The following MYO1E variants were observed in gnomAD, a reference collection of about 807,000 sequenced individuals.
MYO1E encodes unconventional myosin-Ie.
MYO1E carries 68 observed loss-of-function variants against 151.1 expected under a neutral mutation model. The ratio of observed to expected loss-of-function variants is 0.45; its 90% confidence interval spans 0.37 to 0.55. The LOEUF (loss-of-function observed/expected upper bound fraction) is 0.55. Ranked by LOEUF, MYO1E falls within the 20% of genes least tolerant of loss-of-function variation. The probability of loss-of-function intolerance (pLI) is 0.00; values close to 1 mark genes in which losing one functional copy is unlikely to be tolerated. For missense variants in MYO1E, 1,363 were observed against 1,389.3 expected, an observed-to-expected ratio of 0.98 and a Z score of 0.30; for synonymous variants, 601 against 501.7, an observed-to-expected ratio of 1.20 and a Z score of -2.64.
rs148961564 is a variant in MYO1E at position 59,288,397 on chromosome 15, G to C, written c.4-15948C>G. On this transcript the variant is annotated intron_variant, in intron 1 of 27. Transcript: ENST00000288235. ...TCACTATGTTGCCCAGGATGGTCTCGAACTCCTGGGTTCAAGCGATCTTCC... is the reference window on the plus strand; with the variant it reads ...TCACTATGTTGCCCAGGATGGTCTCCAACTCCTGGGTTCAAGCGATCTTCC... Among the ~76,000 whole-genome samples the C allele has an allele frequency of 3.3e-5, 5 of 152,176 alleles. No homozygotes were observed. In the East Asian group the frequency reaches 9.7e-4, roughly 29 times the overall value.
rs77484253 is a variant in MYO1E at position 59,239,347 on chromosome 15, A to G, written c.333-2675T>C. Among the ~76,000 whole-genome samples the G allele has an allele frequency of 1.9e-3, 287 of 151,694 alleles. 2 individuals are homozygous for G. Among genetic ancestry groups the G allele is most frequent in the African/African-American group, 6.5e-3 (271 of 41,482 alleles). On this transcript the variant is annotated intron_variant, in intron 4 of 27. Transcript: ENST00000288235. ...CAATTTCATTACATTATTATTATTC[A>G]ACTTCCTACATATCACCATAAGTAT...
intron 18 of MYO1E, among the ~76,000 whole-genome samples, chr15:59,183,338 G>T (rs568284600): frequency 6.4e-4 from 75 of 118,046 alleles, no homozygotes; most frequent in Middle Eastern, 4.1e-3. Flanking sequence ...ATTAAAAAAG[G>T]TTTGATCAGG....
rs913680906 is a variant in MYO1E, at chr15:59,247,291, C to T, written c.332+8993G>A. 1.3e-5 allele frequency among the ~76,000 whole-genome samples: 2 copies of T among 152,176 alleles called. 1 individual carries two copies. The highest frequency in any genetic ancestry group is 1.3e-4 in the Admixed American group (2 of 15,270). On this transcript the variant is annotated intron_variant, in intron 4 of 27. Transcript: ENST00000288235. ...TCCAGGGGTAACTAACCTGGCGAAC[C>T]TGTCCTGACCTCTGTCCTATGGTAT... is the stretch of plus-strand genomic sequence containing the variant.
At chr15:59,227,421 G>A (rs1882544096) in intron 7 of MYO1E, 38 bp downstream of exon 7, 6 of 1,612,146 alleles carry the variant, frequency 3.7e-6, no homozygotes, top group Non-Finnish European at 5.1e-6. Context: ...TGTAGAGAAG[G>A]GACAGGAAGT....
intron 10 of MYO1E, among the ~76,000 whole-genome samples, chr15:59,215,296 T>C (rs2079906424): frequency 6.6e-6 from 1 of 152,238 alleles, no homozygotes; most frequent in Non-Finnish European, 1.5e-5. Context: ...CAGGGTTTGC[T>C]AAGTGCTCTC....
At chr15:59,178,284 T>C (rs113193137) in intron 19 of MYO1E, 109 bp downstream of exon 19, 23 of 1,393,324 alleles carry the variant, frequency 1.7e-5, no homozygotes, top group African/African-American at 4.3e-5. Flanking sequence ...GGAGACAACA[T>C]TGATGGCATG....
intron 2 of MYO1E, 48 bp downstream of exon 2, chr15:59,272,258 A>T (rs748139690): frequency 6.2e-7 from 1 of 1,604,344 alleles, no homozygotes; most frequent in Non-Finnish European, 8.5e-7. Flanking sequence ...TTAACTGTGG[A>T]CACTGTAATA....
intron 4 of MYO1E, 121 bp from the exon 5 acceptor site, chr15:59,236,793 G>A (rs1596379187): frequency 1.0e-6 from 1 of 970,366 alleles, no homozygotes; most frequent in Non-Finnish European, 1.6e-6. Context: ...AGGCAGAAAA[G>A]AATTTTTTTT....
At chr15:59,254,227 C>T (rs1258623270) in intron 4 of MYO1E, among the ~76,000 whole-genome samples, 1 of 152,072 alleles carries the variant, frequency 6.6e-6, no homozygotes, top group Non-Finnish European at 1.5e-5. Context: ...CCATCTCTGT[C>T]GCCTGGCTAG....
intron 16 of MYO1E, among the ~76,000 whole-genome samples, chr15:59,201,277 G>C (rs2079799941): frequency 6.6e-6 from 1 of 151,810 alleles, no homozygotes; most frequent in Non-Finnish European, 1.5e-5. Context: ...ATTTTTAGTA[G>C]AGATGGGGTT....
chr15:59,292,012 A>G (rs2080422671), intron 1 of MYO1E, among the ~76,000 whole-genome samples: 1 of 152,220 alleles, frequency 6.6e-6, no homozygotes, highest in Admixed American at 6.5e-5. Context: ...TATAGTTCAC[A>G]TGCTAAATAG....
chr15:59,256,144 C>A, intron 4 of MYO1E, 140 bp downstream of exon 4: 1 of 663,772 alleles, frequency 1.5e-6, no homozygotes, highest in South Asian at 1.7e-5. Context: ...GATAAAGCAG[C>A]TAACCTGCTT....
intron 1 of MYO1E, among the ~76,000 whole-genome samples, chr15:59,298,077 C>T (rs1413823469): frequency 1.3e-5 from 2 of 152,190 alleles, no homozygotes; most frequent in African/African-American, 2.4e-5. Flanking sequence ...TCACTTTCAT[C>T]ATTTGGTTAA....
intron 17 of MYO1E, among the ~76,000 whole-genome samples, chr15:59,192,320 A>G (rs1482550604): frequency 6.6e-6 from 1 of 151,668 alleles, no homozygotes; most frequent in Non-Finnish European, 1.5e-5. Flanking sequence ...AAAAGAAAAG[A>G]GAAAATACCA....
chr15:59,360,989 G>A (rs886663832), intron 1 of MYO1E, among the ~76,000 whole-genome samples: 7 of 152,184 alleles, frequency 4.6e-5, no homozygotes, highest in Admixed American at 2.0e-4. Flanking sequence ...CAAGCATGAC[G>A]CAAGCAAGGG....
chr15:59,363,877 C>T (rs1298323671), intron 1 of MYO1E, among the ~76,000 whole-genome samples: 2 of 152,114 alleles, frequency 1.3e-5, no homozygotes, highest in African/African-American at 2.4e-5. Flanking sequence ...CCATTTCAAG[C>T]GATTCTCCTG....
intron 17 of MYO1E, among the ~76,000 whole-genome samples, chr15:59,191,524 C>G (rs2079734725): frequency 6.6e-6 from 1 of 152,034 alleles, no homozygotes; most frequent in Non-Finnish European, 1.5e-5. Flanking sequence ...TTTTAAAGTA[C>G]TTTTCATAAA....
chr15:59,298,341 C>T (rs1397907540), intron 1 of MYO1E, among the ~76,000 whole-genome samples: 2 of 152,202 alleles, frequency 1.3e-5, no homozygotes, highest in African/African-American at 4.8e-5. Context: ...TTCCTCACAG[C>T]CCGCTGAGTT....
intron 16 of MYO1E, among the ~76,000 whole-genome samples, chr15:59,200,914 A>G (rs541731434): frequency 6.6e-6 from 1 of 152,322 alleles, no homozygotes; most frequent in Admixed American, 6.5e-5. Context: ...GAAAAGCCAG[A>G]GCTGAGATTC....
Sources: gnomAD v4.1 joint callset for allele counts (sites outside exome capture counted in the v4.1 genomes callset) on GRCh38, gnomAD v4.1.1 for gene constraint, MANE v1.5 for transcripts, NCBI Gene and HGNC (gene_info 2026-07-23, HGNC 2026-07-21) for gene names.